The following RASA3 variants were observed in gnomAD, a reference collection of about 807,000 sequenced individuals.
The protein encoded by RASA3 is ras GTPase-activating protein 3.
In RASA3, 73 loss-of-function variants were observed where a neutral mutation model predicts 110.0. The ratio of observed to expected loss-of-function variants is 0.66; its 90% CI spans 0.55 to 0.81. The LOEUF is 0.81. Ranked by LOEUF, RASA3 falls within the 30% of genes least tolerant of loss-of-function variation. The probability of loss-of-function intolerance (pLI) is 0.00; values close to 1 mark genes in which losing one functional copy is unlikely to be tolerated. For synonymous variants in RASA3, 500 were observed against 451.4 expected (o/e 1.11, Z -1.37); for missense variants, 976 against 1,113.2 (o/e 0.88, Z 1.75).
At position 114,112,650 on chromosome 13, in the gene RASA3, G is replaced by A. The variant is rs1197097541; in HGVS notation, c.55+19785C>T. 2.0e-5 allele frequency among the ~76,000 whole-genome samples: 3 copies of A among 151,858 alleles called. No individual in the cohort carries two copies. Among genetic ancestry groups the A allele is most frequent in the Non-Finnish European group, 2.9e-5 (2 of 67,964 alleles). On this transcript the variant is annotated intron_variant, in intron 1 of 23. Transcript: ENST00000334062. This position sits in a 1 kb window ranked among gnomAD's most constrained non-coding sequence, Gnocchi z 4.8. ...GGGTTGGTAACTGGAGAATGGGGTG[G>A]GGGTATGCCAGCTCTCCCTGCTTGC...
intron 4 of RASA3, among the ~76,000 whole-genome samples, chr13:114,034,562 C>A (rs2054244934): frequency 6.6e-6 from 1 of 152,226 alleles, no homozygotes; most frequent in African/African-American, 2.4e-5. Context: ...TCCTGACCAG[C>A]TGACTTGTGT....
At chr13:114,121,915 C>A (rs1245993449) in intron 1 of RASA3, among the ~76,000 whole-genome samples, 3 of 152,202 alleles carry the variant, frequency 2.0e-5, no homozygotes, top group African/African-American at 7.2e-5. Context: ...GTTTGTGGGC[C>A]GAGTGCAGGA....
rs965264255 is a variant in RASA3 at position 114,065,520 on chromosome 13, G to A, written c.173+8200C>T. 3.3e-5 allele frequency among the ~76,000 whole-genome samples: 5 copies of A among 152,152 alleles called. No homozygotes were observed. Among genetic ancestry groups the A allele is most frequent in the Non-Finnish European group, 7.4e-5 (5 of 68,014 alleles). ...CACTGCCTGACTCATCCTCAGAGGC[G>A]CCCCACAGAGAAGGGGCAACTTGGC... On this transcript the variant is annotated intron_variant, in intron 2 of 23. Transcript: ENST00000334062. The surrounding 1 kb of genome is among the most constrained non-coding windows in gnomAD (Gnocchi z 4.1).
chr13:114,100,390 G>A (rs2139736189), intron 1 of RASA3, among the ~76,000 whole-genome samples: 1 of 152,290 alleles, frequency 6.6e-6, no homozygotes, highest in South Asian at 2.1e-4. Flanking sequence ...GCAACACCCA[G>A]GAGCCGCCCG....
intron 1 of RASA3, among the ~76,000 whole-genome samples, chr13:114,125,370 C>T (rs145897620): frequency 1.4e-3 from 211 of 152,248 alleles, no homozygotes; most frequent in African/African-American, 4.9e-3. Context: ...GGGGAGGCCT[C>T]GGGAAGCTTC....
At chr13:114,005,660 A>G (rs2053498888) in intron 18 of RASA3, among the ~76,000 whole-genome samples, 2 of 152,136 alleles carry the variant, frequency 1.3e-5, no homozygotes, top group African/African-American at 4.8e-5. Flanking sequence ...GCTGGCCAGC[A>G]AGGGAGGAGG....
At chr13:114,015,161 A>C (rs748524388) in intron 14 of RASA3, 48 bp downstream of exon 14, 1 of 1,608,010 alleles carries the variant, frequency 6.2e-7, no homozygotes, top group East Asian at 2.2e-5. Context: ...CACCCTGCAC[A>C]GCGCTATGGC....
chr13:114,018,621 C>T (rs1022676739), intron 10 of RASA3, 142 bp downstream of exon 10: 33 of 1,095,828 alleles, frequency 3.0e-5, no homozygotes, highest in East Asian at 5.2e-5. Flanking sequence ...GGCATCTGGA[C>T]GGGAAACAGG....
intron 1 of RASA3, among the ~76,000 whole-genome samples, chr13:114,074,194 C>A (rs542877002): frequency 6.6e-6 from 1 of 152,334 alleles, no homozygotes; most frequent in African/African-American, 2.4e-5. Context: ...CCACGTTCAC[C>A]GAGTTGTGCA....
intron 21 of RASA3, among the ~76,000 whole-genome samples, chr13:113,993,334 C>G (rs1364863761): frequency 1.3e-5 from 2 of 151,992 alleles, no homozygotes; most frequent in Non-Finnish European, 2.9e-5. Context: ...CACCACCACG[C>G]CTGGCTAATT....
chr13:114,022,263 T>C (rs1291156846), intron 8 of RASA3, among the ~76,000 whole-genome samples: 1 of 152,198 alleles, frequency 6.6e-6, no homozygotes, highest in Non-Finnish European at 1.5e-5. Flanking sequence ...TAGTGTGGGA[T>C]GGTACGTGTC....
At position 114,018,157 on chromosome 13, in the gene RASA3, G is replaced by A; in HGVS notation, c.1038C>T (p.Gly346=). The A allele has an allele frequency of 6.4e-7, 1 of 1,550,662 alleles. No homozygotes were observed. The highest frequency in any genetic ancestry group is 2.4e-5 in the East Asian group (1 of 40,904). Residue 346 remains glycine (G), a synonymous_variant, in exon 11 of 24, where the codon GGC becomes GGT. Transcript: ENST00000334062. The part of the protein sequence containing the change: ...VPLVRLFLHY[G]RVVPFISAIA... Reference sequence around the variant, plus strand: ...TGGCACTGATGAATGGCACCACCCTGCCATAGTGTAGGAAGAGCCGCACCA... The same window carrying A: ...TGGCACTGATGAATGGCACCACCCTACCATAGTGTAGGAAGAGCCGCACCA...
At chr13:113,979,744 A>T (rs1266927461) in intron 23 of RASA3, among the ~76,000 whole-genome samples, 1 of 152,098 alleles carries the variant, frequency 6.6e-6, no homozygotes, top group Non-Finnish European at 1.5e-5. Flanking sequence ...CACTGCAAAG[A>T]GTGTGCTCAT....
intron 2 of RASA3, among the ~76,000 whole-genome samples, chr13:114,071,463 T>C (rs1247186645): frequency 6.6e-6 from 1 of 152,150 alleles, no homozygotes; most frequent in African/African-American, 2.4e-5. Context: ...AGGCCCACAA[T>C]CCATAGGCCT....
intron 1 of RASA3, among the ~76,000 whole-genome samples, chr13:114,093,560 G>A (rs2079910847): frequency 6.6e-6 from 1 of 152,138 alleles, no homozygotes. Context: ...TCTGATTGGT[G>A]ACCTTTGACC....
At chr13:114,077,991 A>C (rs1462653229) in intron 1 of RASA3, 2 of 971,302 alleles carry the variant, frequency 2.1e-6, no homozygotes, top group African/African-American at 1.9e-5. Context: ...GCATTGAAAC[A>C]GAAAAAAAAA....
chr13:114,069,578 C>T (rs1256286655), intron 2 of RASA3, among the ~76,000 whole-genome samples: 1 of 872 alleles, frequency 1.1e-3, no homozygotes, highest in Admixed American at 0.015. Flanking sequence ...ACTTGGGGGT[C>T]GGGAGACTGG....
At chr13:113,994,811 A>T (rs2053195846) in intron 21 of RASA3, among the ~76,000 whole-genome samples, 1 of 152,202 alleles carries the variant, frequency 6.6e-6, no homozygotes, top group African/African-American at 2.4e-5. Flanking sequence ...TTTCTACAAA[A>T]AACCTTAAAA....
At chr13:114,029,981 GAGC>G in intron 4 of RASA3, 94 bp from the exon 5 acceptor site, 9 of 1,224,172 alleles carry the variant, frequency 7.4e-6, no homozygotes, top group Non-Finnish European at 1.0e-5. Context: ...AGGGCAAAGG[GAGC>G]AGGCGGCCCC....
Sources: gnomAD v4.1 joint callset for allele counts (sites outside exome capture counted in the v4.1 genomes callset) on GRCh38, gnomAD v4.1.1 for gene constraint, Gnocchi (gnomAD v3.1) non-coding constraint, MANE v1.5 for transcripts, NCBI Gene and HGNC (gene_info 2026-07-23, HGNC 2026-07-21) for gene names.